Variants in E2F3 observed in about 807,000 individuals in gnomAD.
E2F3 encodes E2F transcription factor 3.
Under a neutral mutation model 44.4 loss-of-function variants are expected in E2F3, and 11 were observed. The observed-to-expected ratio is 0.25, with a 90% CI of 0.16 to 0.41. E2F3 has a LOEUF of 0.41. E2F3 is among the 10% of genes least tolerant of loss of function. The pLI is 1.00. For synonymous variants in E2F3, 249 were observed against 253.0 expected (o/e 0.98, Z 0.15); for missense variants, 487 against 583.6 (o/e 0.83, Z 1.70).
chr6:20,451,850 T>G (rs1278370780), intron 1 of E2F3, among the ~76,000 whole-genome samples: 1 of 152,262 alleles, frequency 6.6e-6, no homozygotes, highest in Non-Finnish European at 1.5e-5. Flanking sequence ...GTTTATGTGA[T>G]GAATCACATT....
chr6:20,435,038 G>A (rs1232070018), intron 1 of E2F3, among the ~76,000 whole-genome samples: 1 of 152,192 alleles, frequency 6.6e-6, no homozygotes, highest in African/African-American at 2.4e-5. Context: ...AAATGGGTGT[G>A]GTCCTGGACA....
At chr6:20,438,343 T>A (rs1380020260) in intron 1 of E2F3, among the ~76,000 whole-genome samples, 1 of 152,210 alleles carries the variant, frequency 6.6e-6, no homozygotes, top group Non-Finnish European at 1.5e-5. Flanking sequence ...ATCTTACACA[T>A]TCTCTTTCTC....
chr6:20,420,638 C>T lies in E2F3; in HGVS notation c.393+18013C>T, dbSNP rs116081562. Among the ~76,000 whole-genome samples, 440 of 152,266 alleles carry T rather than the reference C, an allele frequency of 2.9e-3. 5 individuals are homozygous for T. Among genetic ancestry groups the T allele is most frequent in the African/African-American group, 9.9e-3 (410 of 41,526 alleles). ...GCAACAGCATTATATCAAAAACCAA[C>T]GTACATATTCTTAACTTAAAAATAC... On this transcript the variant is annotated intron_variant, in intron 1 of 6. Transcript: ENST00000346618.
At chr6:20,466,732 G>C (rs1408910056) in intron 1 of E2F3, among the ~76,000 whole-genome samples, 1 of 147,786 alleles carries the variant, frequency 6.8e-6, no homozygotes, top group Non-Finnish European at 1.5e-5. Context: ...GCCCAGGCTC[G>C]AGTGCAGTGG....
At position 20,402,211 on chromosome 6, in the gene E2F3, C is replaced by G. The variant is rs1561842508; in HGVS notation, c.-22C>G. 6.4e-7 allele frequency: 1 copy of G among 1,570,322 alleles called. No individual in the cohort carries two copies. Among genetic ancestry groups the G allele is most frequent in the Non-Finnish European group, 8.6e-7 (1 of 1,166,828 alleles). ...AACAATACATTAATATACCATAACA[C>G]TAAAAAGAGCAGGAGCGAGAGATGA... On this transcript the variant is annotated 5_prime_UTR_variant, in exon 1 of 7. Coordinates refer to ENST00000346618, the MANE Select transcript of E2F3 (RefSeq NM_001949.5). This position sits in a 1 kb window ranked among gnomAD's most constrained non-coding sequence, Gnocchi z 5.6.
At chr6:20,419,711 C>G (rs1258595815) in intron 1 of E2F3, among the ~76,000 whole-genome samples, 1 of 144,214 alleles carries the variant, frequency 6.9e-6, no homozygotes, top group African/African-American at 2.9e-5. Flanking sequence ...ACTACAGGCG[C>G]ACGCCACCAT....
intron 1 of E2F3, among the ~76,000 whole-genome samples, chr6:20,447,217 G>A (rs1026815193): frequency 6.6e-6 from 1 of 152,190 alleles, no homozygotes; most frequent in Admixed American, 6.5e-5. Flanking sequence ...TGGGCGTTCT[G>A]CAGCTTGGGA....
At chr6:20,487,376 C>T (rs4134968) in intron 5 of E2F3, among the ~76,000 whole-genome samples, 18 of 152,278 alleles carry the variant, frequency 1.2e-4, no homozygotes, top group African/African-American at 3.4e-4. Flanking sequence ...GAAAGTTACA[C>T]GCTTCCATCT....
At chr6:20,431,197 G>A (rs1760388506) in intron 1 of E2F3, among the ~76,000 whole-genome samples, 2 of 152,120 alleles carry the variant, frequency 1.3e-5, no homozygotes, top group African/African-American at 4.8e-5. Flanking sequence ...TACCCGGTGG[G>A]AGGAATGCAA....
chr6:20,479,670 C>T (rs1762157969), intron 1 of E2F3, among the ~76,000 whole-genome samples, 176 bp from the exon 2 acceptor site: 1 of 152,178 alleles, frequency 6.6e-6, no homozygotes, highest in African/African-American at 2.4e-5. Context: ...CATGACAACC[C>T]AGCCTACAAC....
intron 1 of E2F3, among the ~76,000 whole-genome samples, chr6:20,421,400 T>G (rs1218738884): frequency 2.0e-5 from 3 of 152,224 alleles, no homozygotes; most frequent in Non-Finnish European, 4.4e-5. Context: ...TCTTAAATAA[T>G]AAGACTAGAA....
At chr6:20,415,285 A>G (rs555760248) in intron 1 of E2F3, among the ~76,000 whole-genome samples, 10 of 152,230 alleles carry the variant, frequency 6.6e-5, no homozygotes, top group Non-Finnish European at 1.2e-4. Context: ...AGGAAATAAC[A>G]GTGAAGTTTC....
intron 1 of E2F3, among the ~76,000 whole-genome samples, chr6:20,439,018 TG>T (rs1194486638): frequency 2.6e-5 from 4 of 152,184 alleles, no homozygotes; most frequent in Non-Finnish European, 5.9e-5. Context: ...TTAGTTGATT[TG>T]GGGGGTTCCT....
At chr6:20,424,126 A>G (rs542678547) in intron 1 of E2F3, among the ~76,000 whole-genome samples, 1 of 151,790 alleles carries the variant, frequency 6.6e-6, no homozygotes, top group South Asian at 2.1e-4. Context: ...GGCCTTTCCT[A>G]ATCTGCAAAC....
chr6:20,423,702 G>A (rs749926242), intron 1 of E2F3, among the ~76,000 whole-genome samples: 10 of 151,662 alleles, frequency 6.6e-5, no homozygotes, highest in Non-Finnish European at 1.0e-4. Flanking sequence ...AACTCCTCAC[G>A]TCGTGATCTG....
At chr6:20,479,075 A>G (rs72828453) in intron 1 of E2F3, among the ~76,000 whole-genome samples, 2 of 152,358 alleles carry the variant, frequency 1.3e-5, no homozygotes, top group Non-Finnish European at 2.9e-5. Flanking sequence ...GAGTTAAATT[A>G]AAAACTTAGA....
At chr6:20,476,789 C>A (rs984035052) in intron 1 of E2F3, among the ~76,000 whole-genome samples, 7 of 152,190 alleles carry the variant, frequency 4.6e-5, no homozygotes, top group Non-Finnish European at 7.4e-5. Flanking sequence ...CCCCAAGGAA[C>A]AAACAGGGAG....
intron 6 of E2F3, among the ~76,000 whole-genome samples, 170 bp downstream of exon 6, chr6:20,488,418 A>G (rs544897878): frequency 6.6e-6 from 1 of 152,308 alleles, no homozygotes; most frequent in Non-Finnish European, 1.5e-5. Context: ...ATGATTTGGG[A>G]AAAACGGCTC....
At chr6:20,417,658 G>T (rs1308170041) in intron 1 of E2F3, among the ~76,000 whole-genome samples, 1 of 150,866 alleles carries the variant, frequency 6.6e-6, no homozygotes, top group African/African-American at 2.4e-5. Context: ...CCAAAGCCTG[G>T]ATATGCTTAT....
Sources: gnomAD v4.1 joint callset for allele counts (sites outside exome capture counted in the v4.1 genomes callset) on GRCh38, gnomAD v4.1.1 for gene constraint, Gnocchi (gnomAD v3.1) non-coding constraint, MANE v1.5 for transcripts, NCBI Gene and HGNC (gene_info 2026-07-23, HGNC 2026-07-21) for gene names.